The following CTSB variants were observed in gnomAD, a reference collection of about 807,000 sequenced individuals.
The protein encoded by CTSB is cathepsin B.
A neutral mutation model predicts 44.3 loss-of-function variants in CTSB; 57 were observed. That is an observed-to-expected ratio of 1.29 (90% CI 1.04 to 1.60). The LOEUF (loss-of-function observed/expected upper bound fraction) is 1.60, where lower values mean the gene tolerates loss of function less well. Ranked by LOEUF, CTSB falls within the 40% of genes most tolerant of loss-of-function variation. The probability of loss-of-function intolerance (pLI) is 0.00; values close to 1 mark genes in which losing one functional copy is unlikely to be tolerated. For synonymous variants in CTSB, 320 were observed against 168.0 expected (o/e 1.91, Z -7.00); for missense variants, 768 against 443.0 (o/e 1.73, Z -6.59).
chr8:11,850,672 C>T, intron 4 of CTSB, 194 bp downstream of exon 4: 1 of 475,280 alleles, frequency 2.1e-6, no homozygotes, highest in South Asian at 2.9e-5. Flanking sequence ...GGATGCTCTG[C>T]CCGCCACTCC....
chr8:11,855,802 G>C (rs1815410082), intron 1 of CTSB, among the ~76,000 whole-genome samples: 1 of 152,118 alleles, frequency 6.6e-6, no homozygotes, highest in African/African-American at 2.4e-5. Context: ...TGGATCGCCT[G>C]AGGTCAGGAG....
chr8:11,856,511 G>C (rs1056481312), intron 1 of CTSB, among the ~76,000 whole-genome samples: 2 of 152,146 alleles, frequency 1.3e-5, no homozygotes, highest in African/African-American at 4.8e-5. Flanking sequence ...TACTTGGGAG[G>C]CTGAGGCAGT....
intron 9 of CTSB, 51 bp from the exon 10 acceptor site, chr8:11,845,273 A>G (rs1359652190): frequency 1.5e-6 from 2 of 1,370,582 alleles, no homozygotes; most frequent in African/African-American, 1.4e-5. Flanking sequence ...GTCAACCAAT[A>G]TAGTCAGACT....
chr8:11,863,709 T>G (rs1816733045), intron 1 of CTSB, among the ~76,000 whole-genome samples: 1 of 152,184 alleles, frequency 6.6e-6, no homozygotes, highest in South Asian at 2.1e-4. Context: ...TTTGAATTTC[T>G]GGTCATGAAA....
In CTSB at chr8:11,848,044, A is replaced by G; in HGVS notation, c.532+23T>C. The G allele has an allele frequency of 3.8e-6, 6 of 1,569,640 alleles. No individual in the cohort carries two copies. The South Asian group carries it at 4.5e-5, about 12-fold the overall frequency. ...GCTCAAACAATCCATCTGGCCAGAA[A>G]GTGGCCAAGGGGACACACTTACCTA... is the stretch of plus-strand genomic sequence containing the variant. On this transcript the variant is annotated intron_variant, in intron 6 of 9. Transcript: ENST00000353047.
intron 1 of CTSB, among the ~76,000 whole-genome samples, chr8:11,858,424 A>C (rs1042480022): frequency 1.3e-5 from 2 of 151,992 alleles, no homozygotes; most frequent in Non-Finnish European, 2.9e-5. Flanking sequence ...CCTCCTAAGG[A>C]GCTGGGACTA....
chr8:11,848,420 G>C (rs1185777328), intron 5 of CTSB: 3 of 584,936 alleles, frequency 5.1e-6, no homozygotes, highest in South Asian at 3.2e-5. Flanking sequence ...ACCAGACCAG[G>C]CTACGAGTGC....
rs1026142908 is a variant in CTSB at position 11,860,251 on chromosome 8, T to C, written c.-25-6772A>G. ...AAAGTGAAAGAATTCTTAGCAAAGCTGTCATGCAGTATTTTGCTCTTCCTC... is the reference window on the plus strand; with the variant it reads ...AAAGTGAAAGAATTCTTAGCAAAGCCGTCATGCAGTATTTTGCTCTTCCTC... On this transcript the variant is annotated intron_variant, in intron 1 of 9. Coordinates refer to ENST00000353047, the MANE Select transcript of CTSB (RefSeq NM_001908.5). Among the ~76,000 whole-genome samples the C allele has an allele frequency of 7.0e-4, 106 of 152,198 alleles. 1 individual carries two copies. Among genetic ancestry groups the C allele is most frequent in the Non-Finnish European group, 1.2e-4 (8 of 68,036 alleles).
chr8:11,859,102 C>T (rs1388338663), intron 1 of CTSB, among the ~76,000 whole-genome samples: 5 of 152,096 alleles, frequency 3.3e-5, no homozygotes, highest in Non-Finnish European at 7.4e-5. Context: ...CCAGTGCACC[C>T]CTCTGCCCCT....
rs1003121646 is a variant in CTSB, at chr8:11,844,131, A to G, written c.*994T>C. On this transcript the variant is annotated 3_prime_UTR_variant, in exon 10 of 10. Coordinates refer to ENST00000353047, the MANE Select transcript of CTSB (RefSeq NM_001908.5). Reference sequence around the variant, plus strand: ...TACAGAGAAGGTTGACGAGGATGACAGGGAACTAATTGGGGGAGGGATGCC... The same window carrying G: ...TACAGAGAAGGTTGACGAGGATGACGGGGAACTAATTGGGGGAGGGATGCC... 1.1e-4 allele frequency: 17 copies of G among 152,272 alleles called. No individual in the cohort carries two copies. Among genetic ancestry groups the G allele is most frequent in the African/African-American group, 3.9e-4 (16 of 41,470 alleles). The allele number at this position is 152,272 out of a possible 1,614,324, so 9.4% of individuals were successfully genotyped here. A position where few individuals can be genotyped will look rare whatever the true frequency, so the allele number is the denominator to read the frequency against.
intron 4 of CTSB, chr8:11,849,410 T>C: frequency 3.0e-6 from 1 of 330,462 alleles, no homozygotes; most frequent in Non-Finnish European, 6.0e-6. Flanking sequence ...CCTCCCAAAG[T>C]GCTGGGATTA....
In CTSB at chr8:11,853,644, C is replaced by T. The variant is rs142867128; in HGVS notation, c.-25-165G>A. On this transcript the variant is annotated intron_variant, in intron 1 of 9. Transcript: ENST00000353047. ...TGTCTATGGGATCCCCGCCCCCCTG[C>T]CCGAAGCACGCCATGACCTCGTGTG... 5.3e-3 allele frequency: 3,451 copies of T among 647,040 alleles called. 87 individuals are homozygous for T. In the African/African-American group the frequency reaches 0.057, roughly 11 times the overall value. 40.1% of individuals were successfully genotyped at this position (647,040 alleles called of 1,614,324 possible). A position where few individuals can be genotyped will look rare whatever the true frequency, so the allele number is the denominator to read the frequency against.
chr8:11,852,634 AG>A lies in CTSB; in HGVS notation c.187del (p.Leu63TrpfsTer16). On this transcript the variant is annotated frameshift_variant, in exon 3 of 10. Coordinates refer to ENST00000353047, the MANE Select transcript of CTSB (RefSeq NM_001908.5). LOFTEE classifies it high-confidence loss of function. ...CCTCTGGGGTGGCTTGGGCCCACCCAGGAAGGTACCACATAGCCTCTTCAAG... is the reference window on the plus strand; with the variant it reads ...CCTCTGGGGTGGCTTGGGCCCACCCAGAAGGTACCACATAGCCTCTTCAAG... ...SYLKRLCGTF[L>X]GGPKPPQRVM... The A allele has an allele frequency of 6.2e-7, 1 of 1,613,984 alleles. No homozygotes were observed. Among genetic ancestry groups the A allele is most frequent in the Non-Finnish European group, 8.5e-7 (1 of 1,180,004 alleles).
intron 8 of CTSB, among the ~76,000 whole-genome samples, chr8:11,846,555 GCACT>G (rs1173286655): frequency 6.6e-6 from 1 of 152,178 alleles, no homozygotes; most frequent in Admixed American, 6.5e-5. Flanking sequence ...AGTCCCTATG[GCACT>G]ACCCAGGGCA....
Position 11,854,038 on chromosome 8 carries a change from TC to T in CTSB, c.-25-560del, listed in dbSNP as rs564390296. 2.5e-3 allele frequency among the ~76,000 whole-genome samples: 381 copies of T among 152,272 alleles called. 2 individuals are homozygous for T. Among genetic ancestry groups the T allele is most frequent in the African/African-American group, 8.6e-3 (356 of 41,552 alleles). ...CTGGTTTTTCCAGTCAGCCAAGGGC[TC>T]TGCTTCCGGCTGCGGAGATGAGGCT... On this transcript the variant is annotated intron_variant, in intron 1 of 9. Transcript: ENST00000353047.
chr8:11,851,038 C>T, intron 3 of CTSB, 58 bp from the exon 4 acceptor site: 2 of 1,276,486 alleles, frequency 1.6e-6, no homozygotes, highest in Non-Finnish European at 1.1e-6. Flanking sequence ...TCCCCAATCC[C>T]TGCAAAGGCC....
At chr8:11,852,540 C>A in intron 3 of CTSB, 70 bp downstream of exon 3, 2 of 1,319,872 alleles carry the variant, frequency 1.5e-6, no homozygotes, top group Admixed American at 1.9e-5. Context: ...CCTTCACTCT[C>A]CCACTTCCCA....
At chr8:11,845,576 G>C in intron 9 of CTSB, 85 bp downstream of exon 9, 1 of 1,504,566 alleles carries the variant, frequency 6.6e-7, no homozygotes, top group Non-Finnish European at 9.1e-7. Context: ...AAGGCTGTGC[G>C]GTGGGTAGAA....
intron 1 of CTSB, 193 bp downstream of exon 1, chr8:11,867,808 G>A (rs1164510180): frequency 1.3e-5 from 2 of 152,154 alleles, no homozygotes; most frequent in African/African-American, 4.8e-5. Context: ...GCTTCGGAGC[G>A]CGCGGACTCC....
Sources: gnomAD v4.1 joint callset for allele counts (sites outside exome capture counted in the v4.1 genomes callset) on GRCh38, gnomAD v4.1.1 for gene constraint, MANE v1.5 for transcripts, NCBI Gene and HGNC (gene_info 2026-07-23, HGNC 2026-07-21) for gene names.